Variants in SAR1B observed in about 807,000 individuals in gnomAD.
SAR1B encodes the protein small COPII coat GTPase SAR1B.
Under a neutral mutation model 26.8 loss-of-function variants are expected in SAR1B, and 23 were observed. The ratio of observed to expected loss-of-function variants is 0.86; its 90% CI spans 0.62 to 1.22. SAR1B has a LOEUF of 1.22. Ranked by LOEUF, SAR1B falls within the 50% of genes most tolerant of loss-of-function variation. The pLI is 0.00. For synonymous variants in SAR1B, 65 were observed against 80.8 expected (o/e 0.80, Z 1.05); for missense variants, 196 against 232.8 (o/e 0.84, Z 1.03).
At chr5:134,619,145 C>T (rs1765362212) in intron 3 of SAR1B, among the ~76,000 whole-genome samples, 1 of 151,160 alleles carries the variant, frequency 6.6e-6, no homozygotes, top group South Asian at 2.1e-4. Flanking sequence ...GCCTGGCCAA[C>T]ATGTTGAAAC....
At position 134,603,147 on chromosome 5, in the gene SAR1B, A is replaced by G. The variant is rs539104044; in HGVS notation, c.*3803T>C. On this transcript the variant is annotated 3_prime_UTR_variant, in exon 7 of 7. Coordinates refer to ENST00000402673, the MANE Select transcript of SAR1B (RefSeq NM_016103.4). The stretch of plus-strand genomic sequence containing the variant: ...ACAATATGCTCCAAATTAAATGAAC[A>G]GAAGGAATTTTGAGAGATTTCCCCT... The G allele has an allele frequency of 6.6e-6, 1 of 152,252 alleles. No individual in the cohort carries two copies. Among genetic ancestry groups the G allele is most frequent in the Admixed American group, 6.5e-5 (1 of 15,280 alleles). 9.4% of individuals were successfully genotyped at this position (152,252 alleles called of 1,614,324 possible).
At chr5:134,629,972 C>T (rs1393974267) in intron 1 of SAR1B, among the ~76,000 whole-genome samples, 1 of 151,588 alleles carries the variant, frequency 6.6e-6, no homozygotes, top group Non-Finnish European at 1.5e-5. Flanking sequence ...TAAGAGTGGC[C>T]AAGGTGAGGG....
intron 1 of SAR1B, among the ~76,000 whole-genome samples, chr5:134,630,644 G>A (rs1036203334): frequency 2.6e-5 from 4 of 150,946 alleles, no homozygotes; most frequent in Admixed American, 6.6e-5. Context: ...TCAGCAGGAT[G>A]TGGTGGTGCA....
At chr5:134,631,279 C>A (rs1765601075) in intron 1 of SAR1B, among the ~76,000 whole-genome samples, 1 of 152,148 alleles carries the variant, frequency 6.6e-6, no homozygotes, top group Non-Finnish European at 1.5e-5. Context: ...AAAATGAAGA[C>A]ACCTTCCTTT....
chr5:134,616,485 A>G (rs569724360), intron 3 of SAR1B, among the ~76,000 whole-genome samples: 99 of 150,866 alleles, frequency 6.6e-4, no homozygotes, highest in African/African-American at 2.2e-3. Flanking sequence ...TAGATTGCCA[A>G]ATGAATAAAA....
rs1561781958 is a variant in SAR1B, at chr5:134,603,175, T to C, written c.*3775A>G. 1 of 152,246 alleles carries C rather than the reference T, an allele frequency of 6.6e-6. No homozygotes were observed. The highest frequency in any genetic ancestry group is 1.5e-5 in the Non-Finnish European group (1 of 68,044). The allele number at this position is 152,246 out of a possible 1,614,324, so 9.4% of individuals were successfully genotyped here. Reference sequence around the variant, plus strand: ...AGGAATTTTGAGAGATTTCCCCTTATGTAGCTATTCTCAGTGCACTCTGGT... The same window carrying C: ...AGGAATTTTGAGAGATTTCCCCTTACGTAGCTATTCTCAGTGCACTCTGGT... On this transcript the variant is annotated 3_prime_UTR_variant, in exon 7 of 7. Transcript: ENST00000402673.
intron 3 of SAR1B, among the ~76,000 whole-genome samples, chr5:134,617,252 A>G (rs1425195802): frequency 6.6e-6 from 1 of 151,970 alleles, no homozygotes; most frequent in Non-Finnish European, 1.5e-5. Context: ...AATAATAATA[A>G]CTCACCACCA....
intron 1 of SAR1B, among the ~76,000 whole-genome samples, chr5:134,629,346 C>T (rs1226725784): frequency 6.6e-6 from 1 of 151,816 alleles, no homozygotes; most frequent in East Asian, 1.9e-4. Context: ...ATCACTTGAA[C>T]CCAGGAGTTT....
chr5:134,616,768 A>G (rs1284867096), intron 3 of SAR1B, among the ~76,000 whole-genome samples: 1 of 152,212 alleles, frequency 6.6e-6, no homozygotes, highest in Non-Finnish European at 1.5e-5. Flanking sequence ...TTTCATATAA[A>G]TGGTATCATA....
chr5:134,622,539 T>G (rs183983639), intron 2 of SAR1B, among the ~76,000 whole-genome samples: 5,590 of 151,376 alleles, frequency 0.037, 141 homozygotes, highest in Non-Finnish European at 0.061. Flanking sequence ...GCCTCCCAAG[T>G]AGCTGGGACT....
intron 2 of SAR1B, among the ~76,000 whole-genome samples, chr5:134,623,727 C>T (rs1488453369): frequency 6.6e-6 from 1 of 152,106 alleles, no homozygotes; most frequent in Non-Finnish European, 1.5e-5. Flanking sequence ...GGAATTATTA[C>T]TGCCATTTTA....
chr5:134,606,653 G>C lies in SAR1B; in HGVS notation c.*297C>G. On this transcript the variant is annotated 3_prime_UTR_variant, in exon 7 of 7. Coordinates refer to ENST00000402673, the MANE Select transcript of SAR1B (RefSeq NM_016103.4). ...GTTTATAGTTTCATGTTGTTAAAAA[G>C]TGCTTCAAATGTACTGCTGGAAAGT... 3.1e-6 allele frequency: 1 copy of C among 324,938 alleles called. No homozygotes were observed. The highest frequency in any genetic ancestry group is 6.0e-6 in the Non-Finnish European group (1 of 167,610). The allele number at this position is 324,938 out of a possible 1,614,324, so 20.1% of individuals were successfully genotyped here.
intron 3 of SAR1B, chr5:134,614,495 G>C (rs1037860739): frequency 1.3e-5 from 2 of 152,180 alleles, no homozygotes; most frequent in Non-Finnish European, 2.9e-5. Flanking sequence ...TTGTTAGAAG[G>C]CTAAATGGGA....
chr5:134,623,931 A>T (rs769703606), intron 2 of SAR1B, 31 bp downstream of exon 2: 1 of 1,448,698 alleles, frequency 6.9e-7, no homozygotes, highest in African/African-American at 1.4e-5. Context: ...ACCAAAGGGG[A>T]TAACTGTAGA....
At position 134,606,922 on chromosome 5, in the gene SAR1B, T is replaced by C; in HGVS notation, c.*28A>G. 7.0e-7 allele frequency: 1 copy of C among 1,430,566 alleles called. No individual in the cohort carries two copies. The highest frequency in any genetic ancestry group is 9.9e-7 in the Non-Finnish European group (1 of 1,012,506). The allele number at this position is 1,430,566 out of a possible 1,614,324, so 88.6% of individuals were successfully genotyped here. A position where few individuals can be genotyped will look rare whatever the true frequency, so the allele number is the denominator to read the frequency against. On this transcript the variant is annotated 3_prime_UTR_variant, in exon 7 of 7. Transcript: ENST00000402673. ...CAAATCTCTGAGTAAGCCTGAACGT[T>C]GAGACCTGGAACCAATGTGAGTTTG...
chr5:134,612,730 T>A lies in SAR1B; in HGVS notation c.205A>T (p.Met69Leu). 1 of 1,524,740 alleles carries A rather than the reference T, an allele frequency of 6.6e-7. No individual in the cohort carries two copies. The highest frequency in any genetic ancestry group is 2.8e-5 in the East Asian group (1 of 35,770). The allele number at this position is 1,524,740 out of a possible 1,614,324, so 94.5% of individuals were successfully genotyped here. ...PTSEELTIAG[M>L]TFTTFDLGGH... ...CCCAGATCAAAAGTTGTAAACGTCATGCCAGCAATGGTCAGTTCTTCGGAA... is the reference window on the plus strand; with the variant it reads ...CCCAGATCAAAAGTTGTAAACGTCAAGCCAGCAATGGTCAGTTCTTCGGAA... Residue 69 changes from methionine to leucine, a missense_variant, in exon 4 of 7, where the codon ATG becomes TTG. Coordinates refer to ENST00000402673, the MANE Select transcript of SAR1B (RefSeq NM_016103.4).
At chr5:134,620,163 G>A (rs908225133) in intron 3 of SAR1B, among the ~76,000 whole-genome samples, 11 of 151,966 alleles carry the variant, frequency 7.2e-5, no homozygotes, top group Non-Finnish European at 1.3e-4. Flanking sequence ...AAAATTAGCC[G>A]GGCGTGGTGG....
At chr5:134,629,700 AAAACAAAC>A (rs1159853423) in intron 1 of SAR1B, among the ~76,000 whole-genome samples, 8 of 151,172 alleles carry the variant, frequency 5.3e-5, no homozygotes, top group Admixed American at 2.7e-4. Context: ...CCATCTCAAA[AAAACAAAC>A]AAACAAACAA....
Position 134,606,883 on chromosome 5 carries a change from G to T in SAR1B, c.*67C>A. 3.2e-6 allele frequency: 3 copies of T among 945,658 alleles called. No homozygotes were observed. The highest frequency in any genetic ancestry group is 3.4e-5 in the Admixed American group (2 of 59,160). The allele number at this position is 945,658 out of a possible 1,614,324, so 58.6% of individuals were successfully genotyped here. A position where few individuals can be genotyped will look rare whatever the true frequency, so the allele number is the denominator to read the frequency against. ...CAAAAGTCTATTGAATTCAAGTTAT[G>T]CATGTTGAGCAATCAAATCTCTGAG... is the stretch of plus-strand genomic sequence containing the variant. On this transcript the variant is annotated 3_prime_UTR_variant, in exon 7 of 7. Coordinates refer to ENST00000402673, the MANE Select transcript of SAR1B (RefSeq NM_016103.4).
Sources: allele counts gnomAD v4.1 joint callset (sites outside exome capture counted in the v4.1 genomes callset), GRCh38; gene constraint gnomAD v4.1.1; transcripts MANE v1.5; gene names NCBI Gene and HGNC (gene_info 2026-07-23, HGNC 2026-07-21).